The following XKR4 variants were observed in gnomAD, a reference collection of about 807,000 sequenced individuals.
The protein encoded by XKR4 is XK related 4, also known as XK-related protein 4.
A neutral mutation model predicts 53.9 loss-of-function variants in XKR4; 12 were observed. The observed-to-expected ratio is 0.22, with a 90% CI of 0.14 to 0.36. XKR4 has a LOEUF of 0.36. Among genes scored for constraint, XKR4 ranks in the 10% least tolerant of loss-of-function variants. XKR4 has a pLI of 1.00. For missense variants in XKR4, 799 were observed against 859.5 expected, an observed-to-expected ratio of 0.93 and a Z score of 0.88; for synonymous variants, 354 against 362.4, an observed-to-expected ratio of 0.98 and a Z score of 0.26.
rs561957153 is a variant in XKR4 at position 55,205,080 on chromosome 8, C to A, written c.806+101786C>A. ...CTTTCCAGAAGTGCTGTGATTAATGCTAGCACAGCTGGAAAAGTGAAAAAC... is the reference window on the plus strand; with the variant it reads ...CTTTCCAGAAGTGCTGTGATTAATGATAGCACAGCTGGAAAAGTGAAAAAC... On this transcript the variant is annotated intron_variant, in intron 1 of 2. Transcript: ENST00000327381. 5.9e-5 allele frequency among the ~76,000 whole-genome samples: 9 copies of A among 152,314 alleles called. 1 individual carries two copies. Among genetic ancestry groups the A allele is most frequent in the African/African-American group, 2.2e-4 (9 of 41,562 alleles).
At chr8:55,117,990 G>A (rs534174424) in intron 1 of XKR4, among the ~76,000 whole-genome samples, 10 of 152,178 alleles carry the variant, frequency 6.6e-5, no homozygotes, top group South Asian at 6.2e-4. Context: ...GATCATTTCC[G>A]GATCTTTTCT....
chr8:55,328,538 A>G (rs572196429), intron 1 of XKR4, among the ~76,000 whole-genome samples: 1 of 152,246 alleles, frequency 6.6e-6, no homozygotes, highest in East Asian at 1.9e-4. Flanking sequence ...CCTCACTACC[A>G]TGACCTCTTA....
chr8:55,412,128 C>T (rs1804786955), intron 2 of XKR4, among the ~76,000 whole-genome samples: 1 of 152,110 alleles, frequency 6.6e-6, no homozygotes. Context: ...TCCATGGGGT[C>T]CTGGAGAGAT....
intron 1 of XKR4, among the ~76,000 whole-genome samples, chr8:55,324,600 T>C (rs62519093): frequency 0.26 from 39,411 of 152,104 alleles, 5,455 homozygotes; most frequent in East Asian, 0.53. Context: ...TCCCTTTATC[T>C]CTTCATTTCT....
At chr8:55,232,118 C>T (rs1818050504) in intron 1 of XKR4, among the ~76,000 whole-genome samples, 1 of 152,208 alleles carries the variant, frequency 6.6e-6, no homozygotes, top group Non-Finnish European at 1.5e-5. Context: ...CATCTTGCCC[C>T]TCAGGAGTCA....
At chr8:55,131,780 C>G (rs1295019316) in intron 1 of XKR4, among the ~76,000 whole-genome samples, 1 of 150,750 alleles carries the variant, frequency 6.6e-6, no homozygotes, top group Non-Finnish European at 1.5e-5. Context: ...GAGTATTGCT[C>G]TACCGTCCAG....
At chr8:55,375,617 C>T (rs1002920309) in intron 2 of XKR4, among the ~76,000 whole-genome samples, 2 of 152,166 alleles carry the variant, frequency 1.3e-5, no homozygotes, top group Admixed American at 6.5e-5. Context: ...TTAGACTTTG[C>T]TCTGTCCACT....
intron 1 of XKR4, among the ~76,000 whole-genome samples, chr8:55,346,899 A>C (rs1803655800): frequency 6.6e-6 from 1 of 152,238 alleles, no homozygotes; most frequent in South Asian, 2.1e-4. Context: ...ATAGCAAAAT[A>C]AAATTCAATA....
chr8:55,334,252 G>T (rs1318428091), intron 1 of XKR4, among the ~76,000 whole-genome samples: 1 of 152,162 alleles, frequency 6.6e-6, no homozygotes, highest in Non-Finnish European at 1.5e-5. Flanking sequence ...AGAAGTGTCT[G>T]CTGCTACATA....
At chr8:55,264,739 T>G (rs966604597) in intron 1 of XKR4, among the ~76,000 whole-genome samples, 3 of 152,208 alleles carry the variant, frequency 2.0e-5, no homozygotes, top group African/African-American at 7.2e-5. Context: ...AAACCCTGAA[T>G]TGAGAATTGC....
Position 55,257,137 on chromosome 8 carries a change from T to C in XKR4, c.807-100541T>C, listed in dbSNP as rs150842913. Among the ~76,000 whole-genome samples, 7 of 152,200 alleles carry C rather than the reference T, an allele frequency of 4.6e-5. No homozygotes were observed. In the East Asian group the frequency reaches 9.6e-4, roughly 21 times the overall value. On this transcript the variant is annotated intron_variant, in intron 1 of 2. Coordinates refer to ENST00000327381, the MANE Select transcript of XKR4 (RefSeq NM_052898.2). ...AGGAATTTTGGGGGAACACCAACATTCAGACCATGCACACAGCTTCATAAT... is the reference window on the plus strand; with the variant it reads ...AGGAATTTTGGGGGAACACCAACATCCAGACCATGCACACAGCTTCATAAT...
chr8:55,297,091 A>C (rs541620432), intron 1 of XKR4, among the ~76,000 whole-genome samples: 1 of 152,192 alleles, frequency 6.6e-6, no homozygotes, highest in African/African-American at 2.4e-5. Context: ...TACATTCCAG[A>C]CATGTAAGTA....
chr8:55,131,162 A>AC (rs1320154494), intron 1 of XKR4, among the ~76,000 whole-genome samples: 3 of 147,752 alleles, frequency 2.0e-5, no homozygotes, highest in African/African-American at 7.4e-5. Flanking sequence ...GGCTGTCTCA[A>AC]AAACAACAAC....
chr8:55,207,308 T>C lies in XKR4; in HGVS notation c.806+104014T>C, dbSNP rs80248473. Among the ~76,000 whole-genome samples, 473 of 152,340 alleles carry C rather than the reference T, an allele frequency of 3.1e-3. 17 individuals carry two copies. In the East Asian group the frequency reaches 0.069, roughly 22 times the overall value. On this transcript the variant is annotated intron_variant, in intron 1 of 2. Transcript: ENST00000327381. The stretch of plus-strand genomic sequence containing the variant: ...CCTGTTCCTCCCACAGTGGGACATT[T>C]GTGTCCAGAGCCTATCTACAAATAG...
intron 2 of XKR4, among the ~76,000 whole-genome samples, chr8:55,469,872 T>C (rs1312978126): frequency 2.0e-5 from 3 of 152,126 alleles, no homozygotes; most frequent in Non-Finnish European, 4.4e-5. Flanking sequence ...AATCATTCAC[T>C]CAACAAACAG....
At chr8:55,320,746 C>G (rs1018103335) in intron 1 of XKR4, among the ~76,000 whole-genome samples, 1 of 152,142 alleles carries the variant, frequency 6.6e-6, no homozygotes, top group Non-Finnish European at 1.5e-5. Flanking sequence ...CAAACCCCAA[C>G]TCAGTAGTAA....
At chr8:55,436,676 T>C (rs1805182194) in intron 2 of XKR4, among the ~76,000 whole-genome samples, 1 of 152,184 alleles carries the variant, frequency 6.6e-6, no homozygotes, top group South Asian at 2.1e-4. Flanking sequence ...TAGCTCGGTG[T>C]CATGTCTCTG....
intron 1 of XKR4, among the ~76,000 whole-genome samples, chr8:55,270,336 T>C (rs900164304): frequency 2.6e-5 from 4 of 152,074 alleles, no homozygotes; most frequent in African/African-American, 9.7e-5. Context: ...TCTACTGAGG[T>C]CTTGGCTGCT....
chr8:55,454,057 G>A lies in XKR4; in HGVS notation c.1007-69224G>A, dbSNP rs574859561. 29 of 837,230 alleles carry A rather than the reference G, an allele frequency of 3.5e-5. No individual in the cohort carries two copies. The East Asian group carries it at 7.2e-4, about 21-fold the overall frequency. 51.9% of individuals were successfully genotyped at this position (837,230 alleles called of 1,614,324 possible). A position where few individuals can be genotyped will look rare whatever the true frequency, so the allele number is the denominator to read the frequency against. Reference sequence around the variant, plus strand: ...AGAGATAGCCCTGCAGCAGCTGATGGAAGAGCCGCAGCTCTTTGTCCTGCA... The same window carrying A: ...AGAGATAGCCCTGCAGCAGCTGATGAAAGAGCCGCAGCTCTTTGTCCTGCA... On this transcript the variant is annotated intron_variant, in intron 2 of 2. Transcript: ENST00000327381.
Sources: gnomAD v4.1 joint callset for allele counts (sites outside exome capture counted in the v4.1 genomes callset) on GRCh38, gnomAD v4.1.1 for gene constraint, MANE v1.5 for transcripts, NCBI Gene and HGNC (gene_info 2026-07-23, HGNC 2026-07-21) for gene names.